PLEKHA4: variants seen among roughly 807,000 people sequenced by gnomAD.
PLEKHA4 encodes the protein pleckstrin homology domain containing A4.
In PLEKHA4, 73 loss-of-function variants were observed where a neutral mutation model predicts 94.7. The ratio of observed to expected loss-of-function variants is 0.77; its 90% CI spans 0.64 to 0.94. The LOEUF is 0.94. PLEKHA4 is among the 40% of genes least tolerant of loss of function. PLEKHA4 has a pLI of 0.00. For missense variants in PLEKHA4, 1,049 were observed against 1,054.1 expected (o/e 1.00, Z 0.07); for synonymous variants, 449 against 437.1 (o/e 1.03, Z -0.34).
chr19:48,844,154 TATTATTATTATTA>T (rs1445368260), intron 16 of PLEKHA4, among the ~76,000 whole-genome samples: 2 of 111,654 alleles, frequency 1.8e-5, no homozygotes, highest in Admixed American at 9.4e-5. Flanking sequence ...TTATTATTAT[TATTATTATTATTA>T]TTTTCGAGAC....
intron 13 of PLEKHA4, 73 bp from the exon 14 acceptor site, chr19:48,848,113 A>C (rs2036038307): frequency 2.8e-6 from 4 of 1,452,348 alleles, no homozygotes; most frequent in Non-Finnish European, 3.8e-6. Flanking sequence ...AGGCCCCTGC[A>C]AAGGTCTGAA....
intron 16 of PLEKHA4, among the ~76,000 whole-genome samples, chr19:48,843,921 G>A (rs2035860916): frequency 6.6e-6 from 1 of 151,762 alleles, no homozygotes; most frequent in Admixed American, 6.6e-5. Context: ...GCATCCCAAA[G>A]TGCTGGGATT....
intron 3 of PLEKHA4, among the ~76,000 whole-genome samples, chr19:48,865,210 G>C (rs2036787405): frequency 6.6e-6 from 1 of 152,096 alleles, no homozygotes; most frequent in Non-Finnish European, 1.5e-5. Flanking sequence ...TAGGCATGAT[G>C]GTGCATGCCT....
At chr19:48,838,194 T>C (rs1314338637) in intron 18 of PLEKHA4, 65 bp from the exon 19 acceptor site, 6 of 965,364 alleles carry the variant, frequency 6.2e-6, no homozygotes, top group East Asian at 2.5e-5. Context: ...GGATGGTTAA[T>C]TGGTACAAAA....
At chr19:48,861,597 A>C (rs2036643481) in intron 4 of PLEKHA4, 23 bp downstream of exon 4, 1 of 1,613,600 alleles carries the variant, frequency 6.2e-7, no homozygotes, top group South Asian at 1.1e-5. Context: ...CTCCCACCCC[A>C]AGCCAGCCAG....
rs1189009002 is a variant in PLEKHA4, at chr19:48,841,234, G to C, written c.1820C>G (p.Pro607Arg). 12 of 1,613,498 alleles carry C rather than the reference G, an allele frequency of 7.4e-6. No individual in the cohort carries two copies. Among genetic ancestry groups the C allele is most frequent in the Non-Finnish European group, 1.0e-5 (12 of 1,179,898 alleles). Residue 607 changes from proline (P) to arginine (R), a missense_variant, in exon 17 of 20, where the codon CCC becomes CGC. Transcript: ENST00000263265. ...CCGGGGGGAGGTCGGGCGAGGGAAG[G>C]GCCGTCCACATTCCTGGTTTCTGCG... ...RMRRNQECGRPFPRPTSPRLL... is the reference protein window; with the variant it reads ...RMRRNQECGRRFPRPTSPRLL...
intron 9 of PLEKHA4, among the ~76,000 whole-genome samples, chr19:48,855,715 G>T (rs1283346335): frequency 1.3e-5 from 2 of 152,038 alleles, no homozygotes; most frequent in Non-Finnish European, 2.9e-5. Flanking sequence ...CTTGGGCCCA[G>T]GAGACTGAGG....
chr19:48,858,708 A>G, intron 8 of PLEKHA4, 152 bp downstream of exon 8: 1 of 794,906 alleles, frequency 1.3e-6, no homozygotes, highest in Non-Finnish European at 2.0e-6. Context: ...GACACCTGAT[A>G]GGTTCAAGCT....
At chr19:48,841,627 A>AATAT (rs60459653) in intron 16 of PLEKHA4, among the ~76,000 whole-genome samples, 206 of 147,934 alleles carry the variant, frequency 1.4e-3, no homozygotes, top group South Asian at 2.1e-3. Context: ...CTCTGTCTCA[A>AATAT]ATATATATAT....
At chr19:48,852,144 T>C (rs2123029068) in intron 13 of PLEKHA4, 84 bp downstream of exon 13, 2 of 1,078,080 alleles carry the variant, frequency 1.9e-6, no homozygotes, top group East Asian at 2.4e-5. Context: ...CTCGATTCTG[T>C]GGGCGAAGAT....
At chr19:48,861,818 A>C in intron 3 of PLEKHA4, 126 bp from the exon 4 acceptor site, 1 of 875,160 alleles carries the variant, frequency 1.1e-6, no homozygotes, top group Non-Finnish European at 1.8e-6. Flanking sequence ...CAGAGACATA[A>C]AGTAGGGATC....
rs753113768 is a variant in PLEKHA4, at chr19:48,867,738, G to A, written c.-6-112C>T. The stretch of plus-strand genomic sequence containing the variant: ...CTGCAGAGAAAGAGCCTGTTGTTTC[G>A]GGACTTGGGGGGCTGGGGGAGGCCA... On this transcript the variant is annotated intron_variant, in intron 1 of 19. Transcript: ENST00000263265. This position sits in a 1 kb window ranked among gnomAD's most constrained non-coding sequence, Gnocchi z 4.7. 81 of 990,110 alleles carry A rather than the reference G, an allele frequency of 8.2e-5. No homozygotes were observed. Among genetic ancestry groups the A allele is most frequent in the East Asian group, 7.1e-4 (27 of 38,004 alleles). 61.3% of individuals were successfully genotyped at this position (990,110 alleles called of 1,614,324 possible).
intron 3 of PLEKHA4, among the ~76,000 whole-genome samples, chr19:48,863,778 TGGCCA>T (rs1352136778): frequency 6.6e-6 from 1 of 152,130 alleles, no homozygotes; most frequent in Non-Finnish European, 1.5e-5. Flanking sequence ...TTCACCATAT[TGGCCA>T]GGCTTGTCTC....
At chr19:48,862,064 G>A (rs903941283) in intron 3 of PLEKHA4, among the ~76,000 whole-genome samples, 1 of 151,962 alleles carries the variant, frequency 6.6e-6, no homozygotes, top group African/African-American at 2.4e-5. Context: ...GAGTGGGGTG[G>A]AGGCACAGGA....
chr19:48,861,296 G>C (rs1285191354), intron 5 of PLEKHA4, 105 bp downstream of exon 5: 1 of 930,530 alleles, frequency 1.1e-6, no homozygotes, highest in Non-Finnish European at 1.8e-6. Context: ...TCCAGTAATG[G>C]ATATTCCAGT....
chr19:48,865,006 TG>T (rs1271221964), intron 3 of PLEKHA4, among the ~76,000 whole-genome samples: 1 of 152,132 alleles, frequency 6.6e-6, no homozygotes, highest in Admixed American at 6.6e-5. Flanking sequence ...GTGTGTGCCC[TG>T]GGATTGGGAA....
rs775069531 is a variant in PLEKHA4, at chr19:48,839,272, G to A, written c.1906-9C>T. 6.4e-7 allele frequency: 1 copy of A among 1,574,354 alleles called. No homozygotes were observed. Among genetic ancestry groups the A allele is most frequent in the South Asian group, 1.2e-5 (1 of 86,010 alleles). On this transcript the variant is annotated splice_polypyrimidine_tract_variant and intron_variant, in intron 17 of 19. Transcript: ENST00000263265. ...GAGTGTCCTACGACAGGCTGGAAAGGAATTGGGGCATTAGAACTCCTCACC... is the reference window on the plus strand; with the variant it reads ...GAGTGTCCTACGACAGGCTGGAAAGAAATTGGGGCATTAGAACTCCTCACC...
intron 6 of PLEKHA4, 92 bp downstream of exon 6, chr19:48,860,258 C>G (rs116240942): frequency 1.8e-6 from 2 of 1,112,918 alleles, no homozygotes; most frequent in Non-Finnish European, 2.7e-6. Flanking sequence ...TGATTGGACA[C>G]TCAAGGGGGC....
chr19:48,841,032 A>G (rs2035742441), intron 17 of PLEKHA4, 117 bp downstream of exon 17: 1 of 1,099,568 alleles, frequency 9.1e-7, no homozygotes, highest in Non-Finnish European at 1.3e-6. Flanking sequence ...GTAAATTCGG[A>G]AATCCAGTTT....
Sources: gnomAD v4.1 joint callset for allele counts (sites outside exome capture counted in the v4.1 genomes callset) on GRCh38, gnomAD v4.1.1 for gene constraint, Gnocchi (gnomAD v3.1) non-coding constraint, MANE v1.5 for transcripts, NCBI Gene and HGNC (gene_info 2026-07-23, HGNC 2026-07-21) for gene names.